The following TNIP3 variants were observed in gnomAD, a reference collection of about 807,000 sequenced individuals.
The protein encoded by TNIP3 is TNFAIP3 interacting protein 3, also known as TNFAIP3-interacting protein 3.
Under a neutral mutation model 54.1 loss-of-function variants are expected in TNIP3, and 34 were observed. The observed-to-expected ratio is 0.63, with a 90% CI of 0.48 to 0.84. The LOEUF (loss-of-function observed/expected upper bound fraction) is 0.84. Among genes scored for constraint, TNIP3 ranks in the 40% least tolerant of loss-of-function variants. The pLI, the probability that TNIP3 is intolerant of heterozygous loss-of-function variation, is 0.00. For missense variants in TNIP3, 366 were observed against 387.6 expected, an observed-to-expected ratio of 0.94 and a Z score of 0.47; for synonymous variants, 134 against 136.8, an observed-to-expected ratio of 0.98 and a Z score of 0.14.
intron 3 of TNIP3, among the ~76,000 whole-genome samples, chr4:121,171,067 C>T (rs775987571): frequency 5.3e-5 from 8 of 152,122 alleles, no homozygotes; most frequent in East Asian, 1.9e-4. Flanking sequence ...CTGCCCATCT[C>T]GGTCTCCCAA....
In TNIP3 at chr4:121,154,546, G is replaced by T; in HGVS notation, c.492+5C>A. 6.2e-7 allele frequency: 1 copy of T among 1,613,378 alleles called. No homozygotes were observed. ...TTAATCTCCCATGCTTGACCTGACT[G>T]ATACCTTATTGAGGCGTTTTATTTC... On this transcript the variant is annotated splice_donor_5th_base_variant and intron_variant, in intron 5 of 10. Transcript: ENST00000057513.
At chr4:121,162,377 G>T (rs1730506341) in intron 1 of TNIP3, among the ~76,000 whole-genome samples, 1 of 152,140 alleles carries the variant, frequency 6.6e-6, no homozygotes, top group Admixed American at 6.6e-5. Flanking sequence ...TTTAAAAAGA[G>T]ACAGTCTTCT....
At chr4:121,224,317 T>C (rs4833205) in intron 1 of TNIP3, among the ~76,000 whole-genome samples, 91,241 of 151,444 alleles carry the variant, frequency 0.6, 27,915 homozygotes, top group South Asian at 0.76. Flanking sequence ...GAGCAGAGAT[T>C]GTGCTACTGC....
chr4:121,135,339 A>G (rs1356478819), intron 10 of TNIP3, among the ~76,000 whole-genome samples: 1 of 152,132 alleles, frequency 6.6e-6, no homozygotes, highest in Non-Finnish European at 1.5e-5. Flanking sequence ...TTGAAATTTA[A>G]TCACTCATTA....
At chr4:121,225,342 G>A (rs373119831) in intron 1 of TNIP3, among the ~76,000 whole-genome samples, 1 of 152,152 alleles carries the variant, frequency 6.6e-6, no homozygotes, top group South Asian at 2.1e-4. Context: ...CAAAACAATG[G>A]AGATATTTAA....
Position 121,177,960 on chromosome 4 carries a change from T to C in TNIP3, c.189+4716A>G, listed in dbSNP as rs182729108. Among the ~76,000 whole-genome samples, 18 of 152,288 alleles carry C rather than the reference T, an allele frequency of 1.2e-4. No individual in the cohort carries two copies. In the East Asian group the frequency reaches 3.5e-3, roughly 29 times the overall value. ...ATAAAGAATGGAGACTCCTGGGGGCTGTTCTAGGAGAATTTACCCGGGGGA... is the reference window on the plus strand; with the variant it reads ...ATAAAGAATGGAGACTCCTGGGGGCCGTTCTAGGAGAATTTACCCGGGGGA... On this transcript the variant is annotated intron_variant, in intron 3 of 12. Transcript: ENST00000507879.
At chr4:121,205,839 T>G in intron 2 of TNIP3, among the ~76,000 whole-genome samples, 1 of 152,110 alleles carries the variant, frequency 6.6e-6, no homozygotes. Context: ...TACCTGAGAC[T>G]GGGTAATTTA....
intron 2 of TNIP3, among the ~76,000 whole-genome samples, chr4:121,198,147 GTT>G (rs1183916394): frequency 7.2e-6 from 1 of 139,520 alleles, no homozygotes; most frequent in Non-Finnish European, 1.6e-5. Flanking sequence ...TTTCATTCTT[GTT>G]TTTTTTTTTT....
At chr4:121,133,533 C>A (rs1313957123) in intron 10 of TNIP3, among the ~76,000 whole-genome samples, 1 of 152,116 alleles carries the variant, frequency 6.6e-6, no homozygotes, top group South Asian at 2.1e-4. Flanking sequence ...ACTAATGATA[C>A]CTCTCCCTAG....
intron 3 of TNIP3, among the ~76,000 whole-genome samples, chr4:121,176,289 T>C (rs2148824194): frequency 6.6e-6 from 1 of 152,182 alleles, no homozygotes; most frequent in East Asian, 1.9e-4. Flanking sequence ...CCTGAGAACA[T>C]GCAGGCAGAG....
At chr4:121,218,254 G>T (rs1011704865), upstream of TNIP3, among the ~76,000 whole-genome samples, 4 of 152,092 alleles carry the variant, frequency 2.6e-5, no homozygotes, top group African/African-American at 9.7e-5. Flanking sequence ...AATGGCATGT[G>T]CAAAGGGAAA....
chr4:121,220,531 G>C (rs142481362), upstream of TNIP3, among the ~76,000 whole-genome samples: 3 of 151,748 alleles, frequency 2.0e-5, no homozygotes, highest in Non-Finnish European at 4.4e-5. Flanking sequence ...ATTCAAATTT[G>C]GTAACTTAAC....
upstream of TNIP3, among the ~76,000 whole-genome samples, chr4:121,218,621 T>A (rs1270419076): frequency 6.6e-6 from 1 of 150,430 alleles, no homozygotes; most frequent in Non-Finnish European, 1.5e-5. Flanking sequence ...TCCCTCTTCT[T>A]CTCCCTCTCC....
At chr4:121,183,511 T>C (rs1579456257) in intron 2 of TNIP3, among the ~76,000 whole-genome samples, 1 of 151,992 alleles carries the variant, frequency 6.6e-6, no homozygotes, top group East Asian at 1.9e-4. Flanking sequence ...ATACCAGGGG[T>C]CCCCAACCCC....
upstream of TNIP3, among the ~76,000 whole-genome samples, chr4:121,164,604 G>C (rs547179937): frequency 2.8e-4 from 42 of 152,256 alleles, 1 homozygote; most frequent in Non-Finnish European, 4.6e-4. Context: ...CTTTTTGACA[G>C]CTCGGTTTCC....
chr4:121,187,043 C>A (rs942920989), intron 2 of TNIP3, among the ~76,000 whole-genome samples: 4 of 152,230 alleles, frequency 2.6e-5, no homozygotes, highest in African/African-American at 9.6e-5. Flanking sequence ...TATCAAAGTT[C>A]ATTTTTTCCT....
intron 2 of TNIP3, among the ~76,000 whole-genome samples, chr4:121,184,519 C>A (rs114951645): frequency 4.5e-4 from 69 of 152,254 alleles, no homozygotes; most frequent in African/African-American, 1.6e-3. Context: ...TAGAGAAATG[C>A]GGAGCTGAGA....
chr4:121,227,473 AAAC>A (rs1727307243), upstream of TNIP3: 1 of 1,202,484 alleles, frequency 8.3e-7, no homozygotes, highest in East Asian at 2.6e-5. Flanking sequence ...TCTTTGAATC[AAAC>A]AGTAACTAAG....
chr4:121,205,112 C>T (rs901970026), intron 2 of TNIP3, among the ~76,000 whole-genome samples: 2 of 152,026 alleles, frequency 1.3e-5, no homozygotes, highest in Non-Finnish European at 2.9e-5. Context: ...AAATATAGAG[C>T]AATGTAAGTG....
Sources: allele counts gnomAD v4.1 joint callset (sites outside exome capture counted in the v4.1 genomes callset), GRCh38; gene constraint gnomAD v4.1.1; transcripts MANE v1.5; gene names NCBI Gene and HGNC (gene_info 2026-07-23, HGNC 2026-07-21).